ANKRD6: variants seen among roughly 807,000 people sequenced by gnomAD.
ANKRD6 encodes the protein ankyrin repeat domain 6.
Under a neutral mutation model 82.3 loss-of-function variants are expected in ANKRD6, and 56 were observed. The ratio of observed to expected loss-of-function variants is 0.68; its 90% CI spans 0.55 to 0.85. The LOEUF (loss-of-function observed/expected upper bound fraction) is 0.85, where lower values mean the gene tolerates loss of function less well. Among genes scored for constraint, ANKRD6 ranks in the 40% least tolerant of loss-of-function variants. ANKRD6 has a pLI of 0.00. For synonymous variants in ANKRD6, 347 were observed against 352.1 expected (o/e 0.99, Z 0.16); for missense variants, 852 against 907.6 (o/e 0.94, Z 0.79).
intron 1 of ANKRD6, among the ~76,000 whole-genome samples, chr6:89,436,110 G>A (rs1391439628): frequency 6.6e-6 from 1 of 152,158 alleles, no homozygotes; most frequent in Non-Finnish European, 1.5e-5. Context: ...TCAAACAACT[G>A]AGTATTTACT....
chr6:89,574,963 T>C (rs576184792), intron 2 of ANKRD6, among the ~76,000 whole-genome samples: 6 of 152,346 alleles, frequency 3.9e-5, no homozygotes, highest in African/African-American at 1.4e-4. Context: ...GGGGAAATTG[T>C]CCATTTTTAT....
At chr6:89,552,635 A>G (rs532705179) in intron 1 of ANKRD6, among the ~76,000 whole-genome samples, 3 of 152,322 alleles carry the variant, frequency 2.0e-5, no homozygotes, top group African/African-American at 7.2e-5. Context: ...ATAGGCATAC[A>G]TACACCCTAA....
chr6:89,550,710 C>T (rs1785713762), intron 1 of ANKRD6, among the ~76,000 whole-genome samples: 1 of 152,066 alleles, frequency 6.6e-6, no homozygotes, highest in Non-Finnish European at 1.5e-5. Flanking sequence ...AATCCCAGCA[C>T]TTTGGGAGGC....
intron 2 of ANKRD6, among the ~76,000 whole-genome samples, chr6:89,594,939 ATAGGGTCTCGCTG>A (rs1429404034): frequency 1.3e-5 from 2 of 151,900 alleles, no homozygotes; most frequent in African/African-American, 2.4e-5. Context: ...TTTTATAGAG[ATAGGGTCTCGCTG>A]TGTTGCCCAG....
intron 2 of ANKRD6, among the ~76,000 whole-genome samples, chr6:89,585,022 A>G (rs1024970577): frequency 1.4e-4 from 22 of 152,142 alleles, no homozygotes; most frequent in Non-Finnish European, 5.9e-5. Flanking sequence ...CCCATCTCCA[A>G]ATACCATCAC....
In ANKRD6 at chr6:89,596,012, G is replaced by T; in HGVS notation, c.217G>T (p.Asp73Tyr). ...KAGCDLDVQDDGDQTALHRAT... is the reference protein window; with the variant it reads ...KAGCDLDVQDYGDQTALHRAT... ...TGGCTGCGACCTTGATGTCCAGGAT[G>T]ATGTGAGTAGAAGCCATCATTCTAT... Residue 73 changes from aspartate to tyrosine, a missense_variant and splice_region_variant, in exon 3 of 16, where the codon GAT becomes TAT. Coordinates refer to ENST00000339746, the MANE Select transcript of ANKRD6 (RefSeq NM_001242809.2). 1 of 1,604,868 alleles carries T rather than the reference G, an allele frequency of 6.2e-7. No homozygotes were observed. Among genetic ancestry groups the T allele is most frequent in the East Asian group, 2.2e-5 (1 of 44,668 alleles).
rs568646355 is a variant in ANKRD6, at chr6:89,481,366, C to T, written c.-144+47991C>T. Among the ~76,000 whole-genome samples, 66 of 152,178 alleles carry T rather than the reference C, an allele frequency of 4.3e-4. No individual in the cohort carries two copies. In the South Asian group the frequency reaches 9.9e-3, roughly 23 times the overall value. ...CAGAAATTTTTGAGTGCCAACATGA[C>T]GCTCAAAGGAAATGCTTATTGGAGA... On this transcript the variant is annotated intron_variant, in intron 1 of 15. Coordinates refer to ENST00000339746, the MANE Select transcript of ANKRD6 (RefSeq NM_001242809.2).
rs1804346378 is a variant in ANKRD6, at chr6:89,623,328, C to A, written c.898-82C>A. ...TCGTGGGTCCCTTACCATATGGAAT[C>A]TTGCAAAGAATATTTGACCATATTA... On this transcript the variant is annotated intron_variant, in intron 10 of 15. Coordinates refer to ENST00000339746, the MANE Select transcript of ANKRD6 (RefSeq NM_001242809.2). 5 of 1,499,534 alleles carry A rather than the reference C, an allele frequency of 3.3e-6. No homozygotes were observed. In the Admixed American group the frequency reaches 1.2e-4, roughly 36 times the overall value. The allele number at this position is 1,499,534 out of a possible 1,614,324, so 92.9% of individuals were successfully genotyped here.
At chr6:89,484,216 A>G (rs1777111858) in intron 1 of ANKRD6, among the ~76,000 whole-genome samples, 1 of 152,132 alleles carries the variant, frequency 6.6e-6, no homozygotes, top group African/African-American at 2.4e-5. Context: ...CCAAGAATGA[A>G]TATTTTGAAG....
At chr6:89,502,457 G>A (rs1779370364) in intron 1 of ANKRD6, among the ~76,000 whole-genome samples, 1 of 152,080 alleles carries the variant, frequency 6.6e-6, no homozygotes, top group African/African-American at 2.4e-5. Flanking sequence ...ACCAGCCTGG[G>A]CAAGGTGGCG....
chr6:89,588,304 G>A (rs1006026921), intron 2 of ANKRD6, among the ~76,000 whole-genome samples: 3 of 152,022 alleles, frequency 2.0e-5, no homozygotes, highest in South Asian at 2.1e-4. Context: ...TAAAATATGC[G>A]CCACTCTTAT....
In ANKRD6 at chr6:89,574,241, G is replaced by T. The variant is rs543485328; in HGVS notation, c.120+7145G>T. On this transcript the variant is annotated intron_variant, in intron 2 of 15. Coordinates refer to ENST00000339746, the MANE Select transcript of ANKRD6 (RefSeq NM_001242809.2). ...TGCTATTGGGACTTTCCTGTGCATT[G>T]TAGGGTATTTAGCAGCATCTGTGGC... is the stretch of plus-strand genomic sequence containing the variant. Among the ~76,000 whole-genome samples the T allele has an allele frequency of 6.9e-4, 105 of 152,300 alleles. 1 individual carries two copies. The highest frequency in any genetic ancestry group is 2.4e-3 in the African/African-American group (100 of 41,562).
At chr6:89,446,212 C>G (rs1259015122) in intron 1 of ANKRD6, among the ~76,000 whole-genome samples, 6 of 152,154 alleles carry the variant, frequency 3.9e-5, no homozygotes, top group African/African-American at 1.4e-4. Context: ...ATTAACTGGG[C>G]ATGCTGGTGC....
At position 89,614,300 on chromosome 6, in the gene ANKRD6, T is replaced by C. The variant is rs1206809785; in HGVS notation, c.615+410T>C. ...CAGGAGGATCACTTGAGGCTAGGAG[T>C]TCAAGACCAGCCCGGGCAACATAGC... On this transcript the variant is annotated intron_variant, in intron 7 of 15. Transcript: ENST00000339746. Among the ~76,000 whole-genome samples, 3 of 151,370 alleles carry C rather than the reference T, an allele frequency of 2.0e-5. No homozygotes were observed. The East Asian group carries it at 5.8e-4, about 29-fold the overall frequency.
intron 1 of ANKRD6, among the ~76,000 whole-genome samples, chr6:89,473,521 A>G (rs985422925): frequency 1.4e-4 from 22 of 152,154 alleles, no homozygotes; most frequent in African/African-American, 5.3e-4. Context: ...TCTAAGTCTC[A>G]CCAGAAAATT....
intron 1 of ANKRD6, among the ~76,000 whole-genome samples, chr6:89,485,576 G>A (rs1273680835): frequency 6.6e-6 from 1 of 152,160 alleles, no homozygotes; most frequent in Non-Finnish European, 1.5e-5. Flanking sequence ...ACACTTCTCT[G>A]CTGCTTGGTG....
At chr6:89,500,559 T>C (rs1341507766) in intron 1 of ANKRD6, among the ~76,000 whole-genome samples, 1 of 152,232 alleles carries the variant, frequency 6.6e-6, no homozygotes, top group Admixed American at 6.5e-5. Flanking sequence ...AAGTCCTGGC[T>C]GTATCACCAG....
intron 2 of ANKRD6, among the ~76,000 whole-genome samples, chr6:89,585,352 C>T (rs1419723387): frequency 6.6e-6 from 1 of 152,178 alleles, no homozygotes; most frequent in Non-Finnish European, 1.5e-5. Context: ...CTAGCCACCA[C>T]AGTAAGGCAA....
At chr6:89,628,531 A>G (rs904993906) in intron 14 of ANKRD6, among the ~76,000 whole-genome samples, 6 of 152,300 alleles carry the variant, frequency 3.9e-5, no homozygotes, top group African/African-American at 1.4e-4. Flanking sequence ...GCACTTTGGG[A>G]GGCCTAGGTG....
Sources: gnomAD v4.1 joint callset for allele counts (sites outside exome capture counted in the v4.1 genomes callset) on GRCh38, gnomAD v4.1.1 for gene constraint, MANE v1.5 for transcripts, NCBI Gene and HGNC (gene_info 2026-07-23, HGNC 2026-07-21) for gene names.